Variants in ABCG1 observed in about 807,000 individuals in gnomAD.
ABCG1 encodes ATP-binding cassette sub-family G member 1.
Under a neutral mutation model 69.2 loss-of-function variants are expected in ABCG1, and 29 were observed. The ratio of observed to expected loss-of-function variants is 0.42; its 90% CI spans 0.31 to 0.57. The LOEUF is 0.57. Ranked by LOEUF, ABCG1 falls within the 20% of genes least tolerant of loss-of-function variation. The pLI is 0.15. For missense variants in ABCG1, 718 were observed against 898.1 expected (o/e 0.80, Z 2.56); for synonymous variants, 370 against 374.8 (o/e 0.99, Z 0.15).
intron 2 of ABCG1, among the ~76,000 whole-genome samples, chr21:42,240,250 C>G (rs1423919913): frequency 6.6e-6 from 1 of 152,178 alleles, no homozygotes; most frequent in African/African-American, 2.4e-5. Flanking sequence ...GGCCTGGAGA[C>G]AGGTGGGCGA....
At chr21:42,205,053 A>G (rs1030296523) in intron 2 of ABCG1, among the ~76,000 whole-genome samples, 4 of 151,568 alleles carry the variant, frequency 2.6e-5, no homozygotes, top group South Asian at 2.1e-4. Flanking sequence ...ACTAAATTCA[A>G]TGTTCTTAAT....
At chr21:42,256,836 G>A (rs1220989902) in intron 2 of ABCG1, among the ~76,000 whole-genome samples, 1 of 152,198 alleles carries the variant, frequency 6.6e-6, no homozygotes, top group Non-Finnish European at 1.5e-5. Flanking sequence ...CAGGCTCCAG[G>A]ACCCAGTCAG....
chr21:42,247,526 T>C (rs987426011), intron 2 of ABCG1, among the ~76,000 whole-genome samples: 3 of 152,184 alleles, frequency 2.0e-5, no homozygotes, highest in Non-Finnish European at 4.4e-5. Flanking sequence ...GTCTTGGAAA[T>C]GGACTTTCTG....
chr21:42,243,801 T>G (rs536509770), intron 2 of ABCG1, among the ~76,000 whole-genome samples: 2 of 149,096 alleles, frequency 1.3e-5, no homozygotes, highest in East Asian at 4.0e-4. Flanking sequence ...CTGTAAGCCC[T>G]CTTTATCTTT....
At chr21:42,257,095 C>T (rs990546545) in intron 2 of ABCG1, among the ~76,000 whole-genome samples, 1 of 152,238 alleles carries the variant, frequency 6.6e-6, no homozygotes, top group African/African-American at 2.4e-5. Context: ...GTTAAGTACT[C>T]ATTTCATGCC....
chr21:42,278,506 T>A (rs1227665826), intron 5 of ABCG1, among the ~76,000 whole-genome samples: 2 of 152,112 alleles, frequency 1.3e-5, no homozygotes. Flanking sequence ...TCTAACTGTG[T>A]CCCTGTAAGA....
chr21:42,286,551 G>A (rs762347123), intron 8 of ABCG1, among the ~76,000 whole-genome samples: 12 of 152,244 alleles, frequency 7.9e-5, no homozygotes, highest in Non-Finnish European at 1.6e-4. Context: ...GAGGAGACAG[G>A]GCGAGGGTTG....
rs772630979 is a variant in ABCG1, at chr21:42,288,077, A to T, written c.1122+40A>T. 1.2e-6 allele frequency: 2 copies of T among 1,604,144 alleles called. No homozygotes were observed. Among genetic ancestry groups the T allele is most frequent in the East Asian group, 4.5e-5 (2 of 44,574 alleles). On this transcript the variant is annotated intron_variant, in intron 9 of 14. Transcript: ENST00000398449. The surrounding 1 kb of genome is among the most constrained non-coding windows in gnomAD (Gnocchi z 4.8). Reference sequence around the variant, plus strand: ...ACGATTAAAGGGGTTGAGAAAGGTAATGCAAATCCCGAAGCCCCCTGGGGG... The same window carrying T: ...ACGATTAAAGGGGTTGAGAAAGGTATTGCAAATCCCGAAGCCCCCTGGGGG...
rs552890770 is a variant in ABCG1, at chr21:42,287,077, T to C, written c.974-812T>C. ...GAGGGAAGTGCGGAAAAGGTAAGGG[T>C]GTTGGGGAGCTTTGGGCCTTAGCAA... is the stretch of plus-strand genomic sequence containing the variant. On this transcript the variant is annotated intron_variant, in intron 8 of 14. Transcript: ENST00000398449. This position sits in a 1 kb window ranked among gnomAD's most constrained non-coding sequence, Gnocchi z 6.2. Among the ~76,000 whole-genome samples, 3 of 151,478 alleles carry C rather than the reference T, an allele frequency of 2.0e-5. No homozygotes were observed. Among genetic ancestry groups the C allele is most frequent in the South Asian group, 4.2e-4 (2 of 4,762 alleles).
chr21:42,293,044 A>C (rs2069105780), intron 13 of ABCG1, among the ~76,000 whole-genome samples: 2 of 81,984 alleles, frequency 2.4e-5, no homozygotes, highest in Non-Finnish European at 4.8e-5. Flanking sequence ...ACTACACACC[A>C]CACACACTAC....
intron 5 of ABCG1, among the ~76,000 whole-genome samples, chr21:42,280,327 A>AT (rs1182002039): frequency 6.6e-6 from 1 of 152,176 alleles, no homozygotes; most frequent in Non-Finnish European, 1.5e-5. Flanking sequence ...AGATCATGGA[A>AT]TTTTTGCTGT....
intron 1 of ABCG1, among the ~76,000 whole-genome samples, chr21:42,225,345 G>A (rs562885913): frequency 6.6e-6 from 1 of 152,318 alleles, no homozygotes; most frequent in Admixed American, 6.5e-5. Context: ...TAAATAGATC[G>A]ATGCCTATGG....
At chr21:42,255,484 GGT>G (rs2068288759) in intron 2 of ABCG1, among the ~76,000 whole-genome samples, 1 of 152,120 alleles carries the variant, frequency 6.6e-6, no homozygotes, top group African/African-American at 2.4e-5. Context: ...GTGTGCACAT[GGT>G]GTGTGCATGG....
chr21:42,270,467 C>A (rs984696128), intron 2 of ABCG1, among the ~76,000 whole-genome samples: 4 of 151,392 alleles, frequency 2.6e-5, no homozygotes, highest in Non-Finnish European at 5.9e-5. Flanking sequence ...TGGTGTGGCT[C>A]CAAAATGACA....
At chr21:42,205,575 G>A (rs1010801020) in intron 2 of ABCG1, among the ~76,000 whole-genome samples, 1 of 150,786 alleles carries the variant, frequency 6.6e-6, no homozygotes, top group African/African-American at 2.4e-5. Context: ...TCCAGCCTGG[G>A]TGACAGAGCA....
intron 2 of ABCG1, chr21:42,256,259 T>G: frequency 3.3e-6 from 5 of 1,495,190 alleles, no homozygotes; most frequent in Non-Finnish European, 4.5e-6. Context: ...GACAGAACAC[T>G]TACCTGCCTG....
intron 2 of ABCG1, among the ~76,000 whole-genome samples, chr21:42,258,040 C>T (rs2068336663): frequency 1.0e-5 from 1 of 99,080 alleles, no homozygotes; most frequent in African/African-American, 4.7e-5. Context: ...CCATCCATCC[C>T]TCCACTCATC....
intron 1 of ABCG1, among the ~76,000 whole-genome samples, chr21:42,221,495 G>A (rs4148103): frequency 0.073 from 11,117 of 152,188 alleles, 516 homozygotes; most frequent in East Asian, 0.22. Context: ...CCCTGAGTTC[G>A]GTGGGCATAC....
chr21:42,209,579 A>G (rs1326959440), intron 2 of ABCG1, among the ~76,000 whole-genome samples: 1 of 152,216 alleles, frequency 6.6e-6, no homozygotes, highest in Non-Finnish European at 1.5e-5. Context: ...GGATTTTCTC[A>G]TAGAGTGGCT....
Sources: gnomAD v4.1 joint callset for allele counts (sites outside exome capture counted in the v4.1 genomes callset) on GRCh38, gnomAD v4.1.1 for gene constraint, Gnocchi (gnomAD v3.1) non-coding constraint, MANE v1.5 for transcripts, NCBI Gene and HGNC (gene_info 2026-07-23, HGNC 2026-07-21) for gene names.